The following VPS13D variants were observed in gnomAD, a reference collection of about 807,000 sequenced individuals.
The protein encoded by VPS13D is intermembrane lipid transfer protein VPS13D.
VPS13D carries 187 observed loss-of-function variants against 461.9 expected under a neutral mutation model. The ratio of observed to expected loss-of-function variants is 0.40; its 90% CI spans 0.36 to 0.46. The LOEUF is 0.46. VPS13D is among the 20% of genes least tolerant of loss of function. The pLI, the probability that VPS13D is intolerant of heterozygous loss-of-function variation, is 0.60. For missense variants in VPS13D, 4,711 were observed against 5,364.9 expected (o/e 0.88, Z 3.81); for synonymous variants, 1,951 against 1,986.3 (o/e 0.98, Z 0.47).
chr1:12,294,058 C>T (rs547455742), intron 24 of VPS13D, among the ~76,000 whole-genome samples: 1 of 152,272 alleles, frequency 6.6e-6, no homozygotes, highest in African/African-American at 2.4e-5. Flanking sequence ...AAACTGAGTT[C>T]GTGGCCCCCG....
rs1373672004 is a variant in VPS13D, at chr1:12,322,631, A to T, written c.7800A>T (p.Ala2600=). ...AKSIPEQANA[A]VPDSVALESD... ...CCATCCCAGAGCAAGCTAATGCTGC[A>T]GTGCCAGACTCAGTGGCCCTGGAGT... The change falls in exon 34 of 70, where the codon GCA becomes GCT. Residue 2600 remains alanine, a synonymous_variant. Transcript: ENST00000620676. 7 of 1,614,244 alleles carry T rather than the reference A, an allele frequency of 4.3e-6. No homozygotes were observed. Among genetic ancestry groups the T allele is most frequent in the East Asian group, 2.2e-5 (1 of 44,888 alleles).
In VPS13D at chr1:12,378,604, G is replaced by A. The variant is rs1291287904; in HGVS notation, c.11081+13G>A. ...TGACTGACAACAGGTAATTTTCTAG[G>A]CAACTTTTGATTCAAGCTCATTGCT... On this transcript the variant is annotated intron_variant, in intron 56 of 69. Coordinates refer to ENST00000620676, the MANE Select transcript of VPS13D (RefSeq NM_015378.4). The A allele has an allele frequency of 3.3e-6, 5 of 1,535,588 alleles. No individual in the cohort carries two copies. The African/African-American group carries it at 4.2e-5, about 13-fold the overall frequency.
intron 52 of VPS13D, among the ~76,000 whole-genome samples, chr1:12,368,182 CACATACAT>C (rs1000358215): frequency 6.6e-6 from 1 of 152,218 alleles, no homozygotes; most frequent in Admixed American, 6.5e-5. Context: ...TATACACACA[CACATACAT>C]ACATACACGT....
Position 12,235,664 on chromosome 1 carries a change from A to G in VPS13D, c.97+1301A>G, listed in dbSNP as rs564954068. ...GCGCTAGGCCATGGGCAGAGCCGTC[A>G]TGGTCACGCCTCCCCACTCTCTTCC... On this transcript the variant is annotated intron_variant, in intron 2 of 69. Transcript: ENST00000620676. Among the ~76,000 whole-genome samples, 153 of 152,314 alleles carry G rather than the reference A, an allele frequency of 1.0e-3. 1 individual carries two copies. The highest frequency in any genetic ancestry group is 3.3e-3 in the African/African-American group (136 of 41,570).
rs752875063 is a variant in VPS13D at position 12,358,577 on chromosome 1, C to T, written c.10117C>T (p.Arg3373Cys). 28 of 1,614,016 alleles carry T rather than the reference C, an allele frequency of 1.7e-5. No homozygotes were observed. Among genetic ancestry groups the T allele is most frequent in the Admixed American group, 1.7e-4 (10 of 59,988 alleles). The change falls in exon 50 of 70, where the codon CGC becomes TGC. Residue 3373 changes from arginine to cysteine, a missense_variant. Physicochemically the swap from Arg to Cys is radical, Grantham distance 180 (BLOSUM62 -3). Coordinates refer to ENST00000620676, the MANE Select transcript of VPS13D (RefSeq NM_015378.4). ...RALKVIQQGNRPGLIYNIGID... is the reference protein window; with the variant it reads ...RALKVIQQGNCPGLIYNIGID... ...TTTGAAAGTCATCCAGCAAGGAAAC[C>T]GCCCAGGGCTGATCTATAACATTGG...
chr1:12,408,926 G>C (rs1031867686), intron 63 of VPS13D, among the ~76,000 whole-genome samples: 4 of 152,054 alleles, frequency 2.6e-5, no homozygotes, highest in African/African-American at 9.7e-5. Flanking sequence ...TAAAGGTCCA[G>C]ATTTTTCTCT....
At chr1:12,262,707 C>CTTT (rs1466311010) in intron 13 of VPS13D, among the ~76,000 whole-genome samples, 1 of 143,370 alleles carries the variant, frequency 7.0e-6, no homozygotes, top group Non-Finnish European at 1.5e-5. Flanking sequence ...TATTTTCTTT[C>CTTT]TTTTTTTTTT....
Position 12,345,531 on chromosome 1 carries a change from A to C in VPS13D, c.9021+22A>C. 3.1e-6 allele frequency: 5 copies of C among 1,598,636 alleles called. No individual in the cohort carries two copies. The South Asian group carries it at 5.5e-5, about 18-fold the overall frequency. On this transcript the variant is annotated intron_variant, in intron 43 of 69. Transcript: ENST00000620676. Reference sequence around the variant, plus strand: ...TACGGTGTGTGACATTCAGGAAGTCAGATGGTTAAGCGACTGTCAGGAAGT... The same window carrying C: ...TACGGTGTGTGACATTCAGGAAGTCCGATGGTTAAGCGACTGTCAGGAAGT...
At chr1:12,452,924 A>G (rs1327783131) in intron 65 of VPS13D, among the ~76,000 whole-genome samples, 2 of 152,222 alleles carry the variant, frequency 1.3e-5, no homozygotes, top group African/African-American at 2.4e-5. Flanking sequence ...GCAATTTTTT[A>G]TGGACAGAGA....
intron 2 of VPS13D, among the ~76,000 whole-genome samples, chr1:12,239,633 C>T (rs1320517122): frequency 6.6e-6 from 1 of 152,190 alleles, no homozygotes; most frequent in East Asian, 1.9e-4. Context: ...ATATTTGTAA[C>T]CCAAAACATC....
At chr1:12,370,159 C>G (rs747197947) in intron 54 of VPS13D, among the ~76,000 whole-genome samples, 16 of 152,128 alleles carry the variant, frequency 1.1e-4, no homozygotes, top group Non-Finnish European at 1.6e-4. Context: ...ACAGAAATTC[C>G]ATTGCCTTAG....
intron 61 of VPS13D, among the ~76,000 whole-genome samples, chr1:12,400,814 C>T (rs1247602480): frequency 6.6e-6 from 1 of 152,060 alleles, no homozygotes; most frequent in Non-Finnish European, 1.5e-5. Flanking sequence ...TTAGCTGGAC[C>T]TGGTGGCAAG....
In VPS13D at chr1:12,511,671, G is replaced by C. The variant is rs771560786; in HGVS notation, c.*2647G>C. ...TTGACCCAGCACAGTTGGCCGACCC[G>C]TGTCACTCCCTGGCTGTCGCTGCTT... On this transcript the variant is annotated 3_prime_UTR_variant, in exon 70 of 70. Coordinates refer to ENST00000620676, the MANE Select transcript of VPS13D (RefSeq NM_015378.4). This position sits in a 1 kb window ranked among gnomAD's most constrained non-coding sequence, Gnocchi z 4.5. The C allele has an allele frequency of 6.6e-6, 1 of 152,268 alleles. No individual in the cohort carries two copies. The highest frequency in any genetic ancestry group is 2.4e-5 in the African/African-American group (1 of 41,460). The allele number at this position is 152,268 out of a possible 1,614,324, so 9.4% of individuals were successfully genotyped here. A position where few individuals can be genotyped will look rare whatever the true frequency, so the allele number is the denominator to read the frequency against.
intron 49 of VPS13D, among the ~76,000 whole-genome samples, 156 bp downstream of exon 49, chr1:12,356,680 G>T (rs1338935055): frequency 1.3e-5 from 2 of 152,188 alleles, no homozygotes. Context: ...GATTTTTGGG[G>T]ATCTAATTTC....
chr1:12,443,777 G>T (rs1259290462), intron 65 of VPS13D, among the ~76,000 whole-genome samples: 2 of 151,018 alleles, frequency 1.3e-5, no homozygotes, highest in Non-Finnish European at 2.9e-5. Flanking sequence ...CCTCCATCTG[G>T]GCCCTTTTCC....
At chr1:12,432,394 CAAAAAAA>C (rs565314145) in intron 65 of VPS13D, among the ~76,000 whole-genome samples, 1 of 91,658 alleles carries the variant, frequency 1.1e-5, no homozygotes, top group African/African-American at 3.9e-5. Context: ...AACTCCGTCT[CAAAAAAA>C]AAAAAAAAGA....
At chr1:12,472,765 C>T (rs988409243) in intron 67 of VPS13D, among the ~76,000 whole-genome samples, 4 of 152,156 alleles carry the variant, frequency 2.6e-5, no homozygotes, top group Admixed American at 1.3e-4. Flanking sequence ...TCCCCTTTAC[C>T]CCCAACTAGT....
chr1:12,356,246 C>G, intron 48 of VPS13D, 152 bp from the exon 49 acceptor site: 1 of 1,382,816 alleles, frequency 7.2e-7, no homozygotes, highest in Non-Finnish European at 9.6e-7. Flanking sequence ...CTTAATCATG[C>G]TCAAAACTGT....
chr1:12,279,550 C>T lies in VPS13D; in HGVS notation c.4502C>T (p.Pro1501Leu). 6.2e-7 allele frequency: 1 copy of T among 1,612,916 alleles called. No homozygotes were observed. Among genetic ancestry groups the T allele is most frequent in the Non-Finnish European group, 8.5e-7 (1 of 1,179,202 alleles). The change falls in exon 20 of 70, where the codon CCT (proline) becomes CTT (leucine). Residue 1501 changes from proline to leucine, a missense_variant. Transcript: ENST00000620676. The surrounding 1 kb of genome is among the most constrained non-coding windows in gnomAD (Gnocchi z 4.3). ...ATTCAGTTTAAACTGGAGAAGATCC[C>T]TATAGAGAGAGAATCTGAATTGACT... ...TTIQFKLEKI[P>L]IERESELTFS...
Sources: gnomAD v4.1 joint callset for allele counts (sites outside exome capture counted in the v4.1 genomes callset) on GRCh38, gnomAD v4.1.1 for gene constraint, Gnocchi (gnomAD v3.1) non-coding constraint, MANE v1.5 for transcripts, NCBI Gene and HGNC (gene_info 2026-07-23, HGNC 2026-07-21) for gene names.